Variants in ASXL2 observed in about 807,000 individuals in gnomAD.
ASXL2 encodes the protein ASXL transcriptional regulator 2, also known as putative Polycomb group protein ASXL2.
A neutral mutation model predicts 122.0 loss-of-function variants in ASXL2; 23 were observed. The ratio of observed to expected loss-of-function variants is 0.19; its 90% confidence interval spans 0.14 to 0.27. The LOEUF (loss-of-function observed/expected upper bound fraction) is 0.27, where lower values mean the gene tolerates loss of function less well. ASXL2 is among the 10% of genes least tolerant of loss of function. The probability of loss-of-function intolerance (pLI) is 1.00; values close to 1 mark genes in which losing one functional copy is unlikely to be tolerated. For missense variants in ASXL2, 1,518 were observed against 1,713.8 expected (o/e 0.89, Z 2.02); for synonymous variants, 650 against 637.0 (o/e 1.02, Z -0.31).
At position 25,857,536 on chromosome 2, in the gene ASXL2, C is replaced by T. The variant is rs76371155; in HGVS notation, c.58-11973G>A. On this transcript the variant is annotated intron_variant, in intron 1 of 12. Coordinates refer to ENST00000435504, the MANE Select transcript of ASXL2 (RefSeq NM_018263.6). ...CACTGGCTACCTCATCATTCCTAGA[C>T]TAAGGCAGGCACTCTCCTGCTTCAG... 2.4e-3 allele frequency among the ~76,000 whole-genome samples: 365 copies of T among 152,322 alleles called. 2 individuals carry two copies. Among genetic ancestry groups the T allele is most frequent in the African/African-American group, 8.4e-3 (348 of 41,562 alleles).
Position 25,792,613 on chromosome 2 carries a change from T to C in ASXL2, c.403+6772A>G, listed in dbSNP as rs140767232. ...ATCTAGTAAATAATTTTTTTCTTTT[T>C]TTTTCTTGAAACAGTGTCTCACTTT... On this transcript the variant is annotated intron_variant, in intron 5 of 12. Coordinates refer to ENST00000435504, the MANE Select transcript of ASXL2 (RefSeq NM_018263.6). Among the ~76,000 whole-genome samples, 541 of 152,222 alleles carry C rather than the reference T, an allele frequency of 3.6e-3. 2 individuals are homozygous for C. The highest frequency in any genetic ancestry group is 0.013 in the African/African-American group (520 of 41,558).
intron 2 of ASXL2, among the ~76,000 whole-genome samples, chr2:25,844,057 C>T (rs547562556): frequency 5.3e-4 from 81 of 152,102 alleles, no homozygotes; most frequent in Non-Finnish European, 1.1e-3. Context: ...ATTGTGTTCC[C>T]CTACCCCAAT....
chr2:25,850,431 T>A (rs1327448200), intron 1 of ASXL2, among the ~76,000 whole-genome samples: 1 of 152,202 alleles, frequency 6.6e-6, no homozygotes, highest in East Asian at 1.9e-4. Flanking sequence ...GTTACACACA[T>A]TCTGTATTTT....
Position 25,771,554 on chromosome 2 carries a change from A to AG in ASXL2, c.404-15dup. On this transcript the variant is annotated splice_polypyrimidine_tract_variant and intron_variant, in intron 5 of 12. Coordinates refer to ENST00000435504, the MANE Select transcript of ASXL2 (RefSeq NM_018263.6). ...AGGACGACGATACTAGGGAAAAAAAAGTGACAATAAAAGATTTTTGTTAAC... is the reference window on the plus strand; with the variant it reads ...AGGACGACGATACTAGGGAAAAAAAAGGTGACAATAAAAGATTTTTGTTAAC... 6.2e-7 allele frequency: 1 copy of AG among 1,601,014 alleles called. No homozygotes were observed. Among genetic ancestry groups the AG allele is most frequent in the Non-Finnish European group, 8.5e-7 (1 of 1,170,490 alleles).
chr2:25,769,105 T>C (rs2088402894), intron 6 of ASXL2, among the ~76,000 whole-genome samples: 1 of 152,196 alleles, frequency 6.6e-6, no homozygotes, highest in African/African-American at 2.4e-5. Context: ...AAGGCCTAAA[T>C]GATTCTTAGA....
chr2:25,762,106 ACTGTT>A (rs2088262333), intron 8 of ASXL2, among the ~76,000 whole-genome samples: 1 of 152,128 alleles, frequency 6.6e-6, no homozygotes, highest in Admixed American at 6.5e-5. Context: ...TTGTATTTCC[ACTGTT>A]CTGGAGGAAA....
At chr2:25,861,635 T>C (rs2089843877) in intron 1 of ASXL2, among the ~76,000 whole-genome samples, 1 of 152,242 alleles carries the variant, frequency 6.6e-6, no homozygotes, top group South Asian at 2.1e-4. Context: ...TTCAAGTTTA[T>C]GTTGCTGCAA....
intron 3 of ASXL2, among the ~76,000 whole-genome samples, chr2:25,832,133 G>T (rs536914161): frequency 1.3e-5 from 2 of 152,288 alleles, no homozygotes; most frequent in Non-Finnish European, 2.9e-5. Context: ...AGAAAAAACA[G>T]AAAGAACAGG....
chr2:25,781,560 T>C (rs938387323), intron 5 of ASXL2, among the ~76,000 whole-genome samples: 11 of 151,756 alleles, frequency 7.2e-5, no homozygotes, highest in Non-Finnish European at 1.0e-4. Context: ...CAAATTCTTT[T>C]TTTTTTTTTT....
chr2:25,874,891 G>A (rs1271388910), intron 1 of ASXL2, among the ~76,000 whole-genome samples: 1 of 151,418 alleles, frequency 6.6e-6, no homozygotes, highest in Non-Finnish European at 1.5e-5. Flanking sequence ...ACCAGCCTGA[G>A]CAACATAGGG....
intron 1 of ASXL2, among the ~76,000 whole-genome samples, chr2:25,874,665 A>G (rs1347816379): frequency 6.6e-6 from 1 of 152,186 alleles, no homozygotes; most frequent in African/African-American, 2.4e-5. Context: ...AATAAAGTCA[A>G]TGTAATGGCT....
chr2:25,847,682 T>C (rs955953172), intron 1 of ASXL2, among the ~76,000 whole-genome samples: 14 of 152,192 alleles, frequency 9.2e-5, no homozygotes, highest in African/African-American at 3.1e-4. Flanking sequence ...AAATACACCA[T>C]GGACCTGGAT....
chr2:25,874,880 G>C (rs2089998016), intron 1 of ASXL2, among the ~76,000 whole-genome samples: 1 of 151,614 alleles, frequency 6.6e-6, no homozygotes, highest in Admixed American at 6.6e-5. Flanking sequence ...AGGAGTTTGA[G>C]ACCAGCCTGA....
At chr2:25,803,979 CT>C (rs1368180454) in intron 4 of ASXL2, among the ~76,000 whole-genome samples, 1 of 151,598 alleles carries the variant, frequency 6.6e-6, no homozygotes, top group Non-Finnish European at 1.5e-5. Context: ...AGGGAAAACA[CT>C]TTGGTTTTTT....
At chr2:25,781,544 C>T (rs968403305) in intron 5 of ASXL2, among the ~76,000 whole-genome samples, 1 of 149,864 alleles carries the variant, frequency 6.7e-6, no homozygotes, top group South Asian at 2.1e-4. Context: ...TATTTATTTA[C>T]AATCTCAAAT....
At chr2:25,824,153 G>A (rs761465715) in intron 3 of ASXL2, among the ~76,000 whole-genome samples, 1 of 150,234 alleles carries the variant, frequency 6.7e-6, no homozygotes, top group Non-Finnish European at 1.5e-5. Context: ...CTATGTTTAT[G>A]TACTGAAAGG....
At chr2:25,845,784 T>C (rs748202132) in intron 1 of ASXL2, among the ~76,000 whole-genome samples, 5 of 152,172 alleles carry the variant, frequency 3.3e-5, no homozygotes, top group Non-Finnish European at 5.9e-5. Flanking sequence ...GGTAAATGTA[T>C]AGCAAAGCCT....
intron 3 of ASXL2, among the ~76,000 whole-genome samples, chr2:25,820,068 T>C (rs778655958): frequency 6.6e-6 from 1 of 152,140 alleles, no homozygotes; most frequent in Non-Finnish European, 1.5e-5. Flanking sequence ...TGCACCACGA[T>C]ACCTGGCTAA....
chr2:25,758,902 T>C (rs1042921550), intron 9 of ASXL2, among the ~76,000 whole-genome samples: 8 of 152,154 alleles, frequency 5.3e-5, no homozygotes, highest in African/African-American at 1.9e-4. Context: ...ACTGAAGCAC[T>C]GGCCCACATC....
Sources: gnomAD v4.1 joint callset for allele counts (sites outside exome capture counted in the v4.1 genomes callset) on GRCh38, gnomAD v4.1.1 for gene constraint, MANE v1.5 for transcripts, NCBI Gene and HGNC (gene_info 2026-07-23, HGNC 2026-07-21) for gene names.